The following DCAF8L2 variants were observed in gnomAD, a reference collection of about 807,000 sequenced individuals.
DCAF8L2 encodes the protein DDB1- and CUL4-associated factor 8-like protein 2.
For synonymous variants in DCAF8L2, 200 were observed against 190.9 expected, an observed-to-expected ratio of 1.05 and a Z score of -0.39; for missense variants, 430 against 490.7, an observed-to-expected ratio of 0.88 and a Z score of 1.17.
chrX:27,479,374 T>A, the DCAF8L2 span, among the ~76,000 whole-genome samples: 2 of 111,327 alleles, frequency 1.8e-5, no homozygotes, highest in Non-Finnish European at 3.8e-5. Context: ...CAGATAGATA[T>A]AAGCTGCACC....
Position 27,748,320 on chromosome X carries a change from T to C in DCAF8L2, c.1425T>C (p.Val475=), listed in dbSNP as rs765849497. The C allele has an allele frequency of 8.3e-7, 1 of 1,208,349 alleles. No homozygotes were observed. The highest frequency in any genetic ancestry group is 1.7e-5 in the African/African-American group (1 of 57,316). Residue 475 remains valine, a synonymous_variant, in exon 5 of 5, where the codon GTT becomes GTC. Transcript: ENST00000451261. The stretch of plus-strand genomic sequence containing the variant: ...GAAATAATACCACAGTCAAAGGTGT[T>C]AATTTCTATGGCCCCAGGAGTGAGT... The part of the protein sequence containing the change: ...GHRNNTTVKG[V]NFYGPRSEFV...
At chrX:27,474,529 C>T in the DCAF8L2 span, among the ~76,000 whole-genome samples, 2 of 111,272 alleles carry the variant, frequency 1.8e-5, no homozygotes, top group Non-Finnish European at 3.8e-5. Flanking sequence ...TATGTCTTGG[C>T]CTCAATTTCT....
the DCAF8L2 span, among the ~76,000 whole-genome samples, chrX:27,526,661 T>C: frequency 8.9e-6 from 1 of 112,490 alleles, no homozygotes; most frequent in Non-Finnish European, 1.9e-5. Context: ...TGGTTTTATC[T>C]ACCTTTGGTC....
intron 2 of DCAF8L2, among the ~76,000 whole-genome samples, chrX:27,672,898 C>T (rs775556622): frequency 1.2e-3 from 138 of 111,384 alleles, no homozygotes; most frequent in Non-Finnish European, 2.1e-3. Flanking sequence ...GAATTAGTTA[C>T]GAAGCCAGCA....
the DCAF8L2 span, among the ~76,000 whole-genome samples, chrX:27,501,769 C>T: frequency 9.0e-6 from 1 of 110,533 alleles, no homozygotes; most frequent in Non-Finnish European, 1.9e-5. Flanking sequence ...TGGACCCTGG[C>T]ATGGGGTTGA....
upstream of DCAF8L2, among the ~76,000 whole-genome samples, chrX:27,585,390 A>G (rs1480179134): frequency 8.9e-6 from 1 of 111,908 alleles, no homozygotes; most frequent in Admixed American, 9.5e-5. Context: ...CATATCTTCT[A>G]TGGGTTCCCC....
chrX:27,525,511 G>A, the DCAF8L2 span, among the ~76,000 whole-genome samples: 1 of 111,620 alleles, frequency 9.0e-6, no homozygotes, highest in Admixed American at 9.5e-5. Flanking sequence ...TTTAATTGGA[G>A]CATTTAGCCC....
the DCAF8L2 span, among the ~76,000 whole-genome samples, chrX:27,529,519 A>G: frequency 1.8e-5 from 2 of 112,068 alleles, no homozygotes; most frequent in Admixed American, 1.9e-4. Flanking sequence ...AAGGTGTTAC[A>G]AGAAATTGGT....
At chrX:27,525,389 C>T in the DCAF8L2 span, among the ~76,000 whole-genome samples, 2 of 111,399 alleles carry the variant, frequency 1.8e-5, no homozygotes, top group South Asian at 7.5e-4. Flanking sequence ...CTTGGTAGAT[C>T]TTCCTCCATC....
chrX:27,657,043 A>T (rs1929380234), intron 2 of DCAF8L2, among the ~76,000 whole-genome samples: 1 of 110,809 alleles, frequency 9.0e-6, no homozygotes, highest in African/African-American at 3.3e-5. Context: ...CCTGGGTAGA[A>T]TACAAGCAGA....
chrX:27,585,213 C>T, the DCAF8L2 span, among the ~76,000 whole-genome samples: 3 of 111,163 alleles, frequency 2.7e-5, no homozygotes, highest in Non-Finnish European at 5.7e-5. Flanking sequence ...AATAGCCCCC[C>T]ATAATCTTAA....
the DCAF8L2 span, among the ~76,000 whole-genome samples, chrX:27,496,654 C>A: frequency 9.0e-6 from 1 of 111,612 alleles, no homozygotes; most frequent in Non-Finnish European, 1.9e-5. Context: ...ACACCCCCAT[C>A]GTCCCACTTT....
chrX:27,471,914 A>AAG, the DCAF8L2 span, among the ~76,000 whole-genome samples: 4,576 of 111,883 alleles, frequency 0.041, 243 homozygotes, highest in African/African-American at 0.14. Context: ...TCATGATAAA[A>AAG]AATTCAATTC....
At chrX:27,544,333 T>C in the DCAF8L2 span, among the ~76,000 whole-genome samples, 1 of 112,223 alleles carries the variant, frequency 8.9e-6, no homozygotes, top group African/African-American at 3.2e-5. Flanking sequence ...GGCACATTAA[T>C]ACATTTGCAT....
At chrX:27,523,261 T>G in the DCAF8L2 span, among the ~76,000 whole-genome samples, 3 of 111,956 alleles carry the variant, frequency 2.7e-5, no homozygotes, top group East Asian at 5.6e-4. Flanking sequence ...TGTTTCCAGA[T>G]GCTCTGCTTT....
At chrX:27,634,792 G>C (rs1309369524) in intron 2 of DCAF8L2, among the ~76,000 whole-genome samples, 2 of 110,482 alleles carry the variant, frequency 1.8e-5, no homozygotes, top group Non-Finnish European at 3.8e-5. Context: ...TTACCTTCAG[G>C]CTATGTGTAT....
At chrX:27,569,326 A>G in the DCAF8L2 span, among the ~76,000 whole-genome samples, 1 of 111,750 alleles carries the variant, frequency 8.9e-6, no homozygotes, top group Admixed American at 9.5e-5. Context: ...CTCTTTCTAA[A>G]TGGTACAACC....
In DCAF8L2 at chrX:27,749,259, C is replaced by T. The variant is rs757836245; in HGVS notation, c.*468C>T. 8.9e-6 allele frequency among the ~76,000 whole-genome samples: 1 copy of T among 111,788 alleles called. No individual in the cohort carries two copies. On this transcript the variant is annotated 3_prime_UTR_variant, in exon 5 of 5. Transcript: ENST00000451261. ...ACCTGAAAATTTCAGAAATGTGTTT[C>T]TTCTTTAGAAAATAAGACAAACTAC...
At chrX:27,687,948 T>C (rs1930571550) in intron 3 of DCAF8L2, among the ~76,000 whole-genome samples, 1 of 112,063 alleles carries the variant, frequency 8.9e-6, no homozygotes, top group African/African-American at 3.2e-5. Context: ...TATGAAGAAA[T>C]TTAATTGTAT....
Sources: allele counts gnomAD v4.1 joint callset (sites outside exome capture counted in the v4.1 genomes callset), GRCh38; gene constraint gnomAD v4.1.1; transcripts MANE v1.5; gene names NCBI Gene and HGNC (gene_info 2026-07-23, HGNC 2026-07-21).